The following MED13L variants were observed in gnomAD, a reference collection of about 807,000 sequenced individuals.
MED13L encodes the protein mediator complex subunit 13L.
In MED13L, 7 loss-of-function variants were observed where a neutral mutation model predicts 220.9. The ratio of observed to expected loss-of-function variants is 0.03; its 90% CI spans 0.02 to 0.06. The LOEUF is 0.06. MED13L is among the 10% of genes least tolerant of loss of function. The pLI is 1.00. For synonymous variants in MED13L, 1,011 were observed against 1,015.2 expected (o/e 1.00, Z 0.08); for missense variants, 1,965 against 2,760.5 (o/e 0.71, Z 6.46).
Position 116,081,014 on chromosome 12 carries a change from C to T in MED13L, c.479+15655G>A, listed in dbSNP as rs139397876. On this transcript the variant is annotated intron_variant, in intron 4 of 30. Transcript: ENST00000281928. ...TTAAGGGAACATACTTTGCACAATC[C>T]ACATTTCACTGTTCTTTAAAGGTCA... Among the ~76,000 whole-genome samples, 101 of 152,214 alleles carry T rather than the reference C, an allele frequency of 6.6e-4. 1 individual carries two copies. In the East Asian group the frequency reaches 0.017, roughly 25 times the overall value.
chr12:115,980,080 T>A (rs2137261686), intron 23 of MED13L, among the ~76,000 whole-genome samples: 1 of 152,130 alleles, frequency 6.6e-6, no homozygotes, highest in East Asian at 1.9e-4. Context: ...ACAACTGTTG[T>A]CCCAGGATAC....
intron 1 of MED13L, among the ~76,000 whole-genome samples, chr12:116,247,189 CCTAT>C (rs201208220): frequency 0.01 from 1,591 of 151,592 alleles, 12 homozygotes; most frequent in Middle Eastern, 0.017. Context: ...ACCTTGTAGA[CCTAT>C]CTGATTCTTT....
intron 2 of MED13L, among the ~76,000 whole-genome samples, chr12:116,203,179 A>G (rs145559277): frequency 6.6e-6 from 1 of 152,264 alleles, no homozygotes; most frequent in East Asian, 1.9e-4. Flanking sequence ...ATGTCTCCAC[A>G]CCATCTTCAG....
chr12:115,991,557 T>C lies in MED13L; in HGVS notation c.3397A>G (p.Ile1133Val), dbSNP rs1878060285. 6.2e-7 allele frequency: 1 copy of C among 1,614,112 alleles called. No homozygotes were observed. The highest frequency in any genetic ancestry group is 8.5e-7 in the Non-Finnish European group (1 of 1,180,010). Residue 1133 changes from isoleucine to valine, a missense_variant, in exon 17 of 31, where the codon ATC (isoleucine) becomes GTC (valine). Ile to Val is a conservative substitution (Grantham distance 29, BLOSUM62 3). Around this residue, in one of 10 missense-constraint regions of MED13L, gnomAD observed 18 missense variants for 72.4 expected, o/e 0.25. Coordinates refer to ENST00000281928, the MANE Select transcript of MED13L (RefSeq NM_015335.5). This position sits in a 1 kb window ranked among gnomAD's most constrained non-coding sequence, Gnocchi z 7.7. Reference sequence around the variant, plus strand: ...TTGATGTTCATGTTGCAGGCACAGATGCAACAGCTGTCAAAGTTTCTGTCT... The same window carrying C: ...TTGATGTTCATGTTGCAGGCACAGACGCAACAGCTGTCAAAGTTTCTGTCT... ...FKDRNFDSCC[I>V]CACNMNIKGA...
intron 2 of MED13L, among the ~76,000 whole-genome samples, chr12:116,155,291 T>C (rs991602567): frequency 7.9e-5 from 12 of 151,968 alleles, no homozygotes; most frequent in African/African-American, 2.9e-4. Context: ...GTGTGGGTGG[T>C]ACACACCCAA....
chr12:116,035,894 A>G (rs903226411), intron 4 of MED13L, among the ~76,000 whole-genome samples: 1 of 152,168 alleles, frequency 6.6e-6, no homozygotes, highest in Non-Finnish European at 1.5e-5. Flanking sequence ...ATGTTCTAAT[A>G]GGGAAAGAAA....
At chr12:115,972,365 CAT>C in intron 25 of MED13L, 129 bp from the exon 26 acceptor site, 1 of 1,031,878 alleles carries the variant, frequency 9.7e-7, no homozygotes. Flanking sequence ...TATGGCTTTA[CAT>C]ATGTTCCCCT....
chr12:116,218,899 AATTTTTTTTGT>A (rs1394972250), intron 2 of MED13L, among the ~76,000 whole-genome samples: 1 of 152,016 alleles, frequency 6.6e-6, no homozygotes, highest in Non-Finnish European at 1.5e-5. Flanking sequence ...ACACCTGGCT[AATTTTTTTTGT>A]ATTTTTGTAG....
intron 23 of MED13L, among the ~76,000 whole-genome samples, chr12:115,977,814 T>C (rs937867217): frequency 2.0e-5 from 3 of 152,020 alleles, no homozygotes; most frequent in East Asian, 3.9e-4. Flanking sequence ...CTGGGCAACA[T>C]AGCAAAACCC....
intron 1 of MED13L, among the ~76,000 whole-genome samples, chr12:116,248,974 G>A (rs1232855264): frequency 6.6e-6 from 1 of 152,194 alleles, no homozygotes; most frequent in African/African-American, 2.4e-5. Context: ...GCCCTACAAA[G>A]GCCAAGACAG....
At chr12:116,066,095 T>A (rs1417865038) in intron 4 of MED13L, among the ~76,000 whole-genome samples, 1 of 152,136 alleles carries the variant, frequency 6.6e-6, no homozygotes, top group Non-Finnish European at 1.5e-5. Flanking sequence ...TCTTTGACTC[T>A]CTCTCTCTCA....
intron 2 of MED13L, among the ~76,000 whole-genome samples, chr12:116,160,434 A>C (rs1330937795): frequency 6.6e-6 from 1 of 152,102 alleles, no homozygotes. Context: ...TGCAATAGTC[A>C]CCTGAGAAGC....
intron 4 of MED13L, among the ~76,000 whole-genome samples, chr12:116,060,981 C>G (rs1869424671): frequency 6.6e-6 from 1 of 152,146 alleles, no homozygotes; most frequent in Admixed American, 6.5e-5. Context: ...TATGTGTCTT[C>G]TTTTATTTTC....
At chr12:115,982,085 A>G (rs1877368332) in intron 22 of MED13L, 2 of 325,916 alleles carry the variant, frequency 6.1e-6, no homozygotes, top group African/African-American at 2.1e-5. Flanking sequence ...AAAACTTTGT[A>G]TAAAGCACAA....
chr12:116,098,387 A>G (rs1328055356), intron 3 of MED13L, among the ~76,000 whole-genome samples: 1 of 152,252 alleles, frequency 6.6e-6, no homozygotes, highest in Non-Finnish European at 1.5e-5. Flanking sequence ...TTTGTAAGAA[A>G]AGATGTCAGA....
chr12:116,233,012 G>A (rs911584198), intron 2 of MED13L, among the ~76,000 whole-genome samples: 11 of 151,342 alleles, frequency 7.3e-5, no homozygotes, highest in South Asian at 4.2e-4. Context: ...ATTTGAACCC[G>A]GGAGGCAGAG....
intron 25 of MED13L, among the ~76,000 whole-genome samples, chr12:115,974,637 T>G (rs1333439871): frequency 6.6e-6 from 1 of 152,208 alleles, no homozygotes; most frequent in Non-Finnish European, 1.5e-5. Context: ...TCTGCTCTTG[T>G]AAGCTTCCAG....
At chr12:116,238,467 G>A (rs1209999057) in intron 1 of MED13L, among the ~76,000 whole-genome samples, 1 of 152,152 alleles carries the variant, frequency 6.6e-6, no homozygotes, top group African/African-American at 2.4e-5. Context: ...AAACTTCAAA[G>A]AGGTTTCAAC....
chr12:116,170,395 T>C (rs767182090), intron 2 of MED13L, among the ~76,000 whole-genome samples: 23 of 152,076 alleles, frequency 1.5e-4, no homozygotes, highest in Non-Finnish European at 3.1e-4. Flanking sequence ...CTAAATCTGA[T>C]TGATCATAGT....
Sources: gnomAD v4.1 joint callset for allele counts (sites outside exome capture counted in the v4.1 genomes callset) on GRCh38, gnomAD v4.1.1 for gene constraint, gnomAD v4.1.1 regional missense constraint, Gnocchi (gnomAD v3.1) non-coding constraint, MANE v1.5 for transcripts, NCBI Gene and HGNC (gene_info 2026-07-23, HGNC 2026-07-21) for gene names.